The following AUTS2 variants were observed in gnomAD, a reference collection of about 807,000 sequenced individuals.
AUTS2 encodes autism susceptibility gene 2 protein.
In AUTS2, 17 loss-of-function variants were observed where a neutral mutation model predicts 112.4. The ratio of observed to expected loss-of-function variants is 0.15; its 90% confidence interval spans 0.10 to 0.23. The LOEUF (loss-of-function observed/expected upper bound fraction) is 0.23, where lower values mean the gene tolerates loss of function less well. Ranked by LOEUF, AUTS2 falls within the 10% of genes least tolerant of loss-of-function variation. The pLI, the probability that AUTS2 is intolerant of heterozygous loss-of-function variation, is 1.00. For missense variants in AUTS2, 1,510 were observed against 1,701.6 expected (o/e 0.89, Z 1.98); for synonymous variants, 751 against 702.7 (o/e 1.07, Z -1.09).
chr7:69,716,216 CTGTG>C (rs1230142346), intron 1 of AUTS2, among the ~76,000 whole-genome samples: 3 of 151,156 alleles, frequency 2.0e-5, no homozygotes, highest in East Asian at 3.9e-4. Flanking sequence ...CTCTGTGTGT[CTGTG>C]TGTGTGTGTT....
At chr7:70,585,838 AT>A (rs1802657789) in intron 5 of AUTS2, among the ~76,000 whole-genome samples, 1 of 5,202 alleles carries the variant, frequency 1.9e-4, no homozygotes, top group Non-Finnish European at 4.4e-4. Flanking sequence ...ATAAAGATTT[AT>A]TTATTTATTT....
At chr7:69,975,073 AT>A (rs1798001188) in intron 2 of AUTS2, among the ~76,000 whole-genome samples, 1 of 151,898 alleles carries the variant, frequency 6.6e-6, no homozygotes, top group African/African-American at 2.4e-5. Context: ...GGTTGTCTTG[AT>A]TACCTGTTGC....
intron 4 of AUTS2, among the ~76,000 whole-genome samples, chr7:70,161,325 A>G (rs1251665149): frequency 6.6e-6 from 1 of 151,542 alleles, no homozygotes; most frequent in Non-Finnish European, 1.5e-5. Context: ...ATGAGATAGT[A>G]GGTGATGCAA....
At chr7:69,601,135 C>G (rs766991761) in intron 1 of AUTS2, among the ~76,000 whole-genome samples, 1 of 152,030 alleles carries the variant, frequency 6.6e-6, no homozygotes, top group African/African-American at 2.4e-5. Context: ...GTCCCCACCC[C>G]CCACACACCA....
chr7:70,636,664 T>C (rs938394482), intron 5 of AUTS2, among the ~76,000 whole-genome samples: 1 of 129,036 alleles, frequency 7.7e-6, no homozygotes, highest in African/African-American at 2.9e-5. Context: ...TTTTTTTTTT[T>C]GAGACAGAGT....
intron 4 of AUTS2, among the ~76,000 whole-genome samples, chr7:70,345,891 A>G (rs1216185696): frequency 6.6e-6 from 1 of 152,224 alleles, no homozygotes; most frequent in Non-Finnish European, 1.5e-5. Flanking sequence ...TAACTAAATG[A>G]CACCATCAGC....
chr7:69,942,464 G>A (rs1261480499), intron 2 of AUTS2, among the ~76,000 whole-genome samples: 1 of 152,154 alleles, frequency 6.6e-6, no homozygotes, highest in African/African-American at 2.4e-5. Flanking sequence ...TTTTAAGAAA[G>A]GGTGAGTGAT....
intron 15 of AUTS2, chr7:70,784,725 A>C: frequency 2.0e-6 from 1 of 500,654 alleles, no homozygotes; most frequent in South Asian, 2.4e-5. Context: ...AAGAGGGATG[A>C]TTGATTTTCT....
At chr7:69,699,173 C>T (rs982301184) in intron 1 of AUTS2, among the ~76,000 whole-genome samples, 1 of 152,036 alleles carries the variant, frequency 6.6e-6, no homozygotes, top group African/African-American at 2.4e-5. Flanking sequence ...GATTGATGGG[C>T]ATTTTTGCTG....
At chr7:69,793,874 G>T (rs1245115339) in intron 1 of AUTS2, among the ~76,000 whole-genome samples, 1 of 152,178 alleles carries the variant, frequency 6.6e-6, no homozygotes, top group Non-Finnish European at 1.5e-5. Flanking sequence ...ATTCAGATGG[G>T]GGATAGTCAG....
At chr7:70,597,248 G>A (rs1178189971) in intron 5 of AUTS2, among the ~76,000 whole-genome samples, 3 of 152,180 alleles carry the variant, frequency 2.0e-5, no homozygotes, top group Admixed American at 6.5e-5. Flanking sequence ...AAATCTGAAC[G>A]GCTTAGAAAT....
intron 4 of AUTS2, among the ~76,000 whole-genome samples, chr7:70,361,870 T>TTATGTA (rs572372370): frequency 8.8e-4 from 134 of 152,314 alleles, no homozygotes; most frequent in Admixed American, 2.5e-3. Flanking sequence ...AAGATAAGTT[T>TTATGTA]TATGTATATG....
At chr7:70,163,124 A>C (rs2035756805) in intron 4 of AUTS2, among the ~76,000 whole-genome samples, 3 of 151,894 alleles carry the variant, frequency 2.0e-5, no homozygotes, top group Admixed American at 2.0e-4. Flanking sequence ...AGTGGTGTGC[A>C]GCCACCTCAT....
chr7:69,726,985 A>G (rs1786548256), intron 1 of AUTS2, among the ~76,000 whole-genome samples: 1 of 152,152 alleles, frequency 6.6e-6, no homozygotes. Flanking sequence ...GTTCCTAATG[A>G]CATCTTTGGA....
chr7:70,629,867 T>C (rs991981645), intron 5 of AUTS2, among the ~76,000 whole-genome samples: 6 of 152,218 alleles, frequency 3.9e-5, no homozygotes, highest in East Asian at 1.9e-4. Flanking sequence ...CTCCTTGATA[T>C]ATTTGCCTAT....
intron 6 of AUTS2, among the ~76,000 whole-genome samples, chr7:70,730,784 G>A (rs981683993): frequency 1.3e-5 from 2 of 152,144 alleles, no homozygotes; most frequent in African/African-American, 2.4e-5. Context: ...GGAAGTGCTG[G>A]GTCATGTATT....
In AUTS2 at chr7:70,790,971, C is replaced by G; in HGVS notation, c.3755C>G (p.Thr1252Arg). The change falls in exon 19 of 19, where the codon ACG becomes AGG. Residue 1252 changes from threonine to arginine, a missense_variant. Thr to Arg is a moderately conservative substitution (Grantham distance 71, BLOSUM62 -1). Around this residue, in one of 3 missense-constraint regions of AUTS2, gnomAD observed 788 missense variants for 797.6 expected, o/e 0.99. Transcript: ENST00000342771. The surrounding 1 kb of genome is among the most constrained non-coding windows in gnomAD (Gnocchi z 7.6). ...ATAAGGGAGAGGCCCCCTTCCCACA[C>G]GCTGAAGGATATCGAGGCCCGATAA... ...AEIRERPPSH[T>R]LKDIEAR is the part of the protein sequence containing the mutation. 6.6e-7 allele frequency: 1 copy of G among 1,504,182 alleles called. No individual in the cohort carries two copies. Among genetic ancestry groups the G allele is most frequent in the Non-Finnish European group, 8.9e-7 (1 of 1,126,132 alleles). 93.2% of individuals were successfully genotyped at this position (1,504,182 alleles called of 1,614,324 possible).
At chr7:69,986,772 C>A (rs1798529874) in intron 2 of AUTS2, among the ~76,000 whole-genome samples, 1 of 152,190 alleles carries the variant, frequency 6.6e-6, no homozygotes, top group South Asian at 2.1e-4. Flanking sequence ...GTTCCCCTCA[C>A]TTTTTAGTCT....
chr7:69,969,348 A>G (rs1049516621), intron 2 of AUTS2, among the ~76,000 whole-genome samples: 7 of 152,180 alleles, frequency 4.6e-5, no homozygotes, highest in African/African-American at 1.7e-4. Context: ...ACAAGCAGAG[A>G]ATGCTTCCAT....
Sources: gnomAD v4.1 joint callset for allele counts (sites outside exome capture counted in the v4.1 genomes callset) on GRCh38, gnomAD v4.1.1 for gene constraint, gnomAD v4.1.1 regional missense constraint, Gnocchi (gnomAD v3.1) non-coding constraint, MANE v1.5 for transcripts, NCBI Gene and HGNC (gene_info 2026-07-23, HGNC 2026-07-21) for gene names.